The following TMEM132B variants were observed in gnomAD, a reference collection of about 807,000 sequenced individuals.
TMEM132B encodes transmembrane protein 132B.
In TMEM132B, 18 loss-of-function variants were observed where a neutral mutation model predicts 90.8. The ratio of observed to expected loss-of-function variants is 0.20; its 90% CI spans 0.14 to 0.29. The LOEUF (loss-of-function observed/expected upper bound fraction) is 0.29, where lower values mean the gene tolerates loss of function less well. TMEM132B is among the 10% of genes least tolerant of loss of function. TMEM132B has a pLI of 1.00. For missense variants in TMEM132B, 1,096 were observed against 1,326.8 expected, an observed-to-expected ratio of 0.83 and a Z score of 2.70; for synonymous variants, 504 against 523.3, an observed-to-expected ratio of 0.96 and a Z score of 0.50.
chr12:125,533,164 A>G (rs771347393), intron 4 of TMEM132B, among the ~76,000 whole-genome samples: 1 of 152,184 alleles, frequency 6.6e-6, no homozygotes, highest in Non-Finnish European at 1.5e-5. Context: ...ATCCTGTAAA[A>G]AGTGTAATAT....
intron 4 of TMEM132B, among the ~76,000 whole-genome samples, chr12:125,540,619 A>G (rs1410187270): frequency 2.0e-5 from 3 of 152,264 alleles, no homozygotes; most frequent in African/African-American, 7.2e-5. Context: ...TGATACTGTT[A>G]TAGCCACTGT....
In TMEM132B at chr12:125,590,269, C is replaced by T. The variant is rs550615150; in HGVS notation, c.1437+6275C>T. On this transcript the variant is annotated intron_variant, in intron 5 of 8. Coordinates refer to ENST00000682704, the MANE Select transcript of TMEM132B (RefSeq NM_001366854.1). ...CCTAACACAACGTCCACATTCATATCCATGAATGTTAACTGCTACTTGATT... is the reference window on the plus strand; with the variant it reads ...CCTAACACAACGTCCACATTCATATTCATGAATGTTAACTGCTACTTGATT... 3.3e-5 allele frequency among the ~76,000 whole-genome samples: 5 copies of T among 152,306 alleles called. No individual in the cohort carries two copies. The East Asian group carries it at 9.7e-4, about 29-fold the overall frequency.
At chr12:125,290,601 T>C (rs964690316) in intron 1 of TMEM132B, among the ~76,000 whole-genome samples, 1 of 152,244 alleles carries the variant, frequency 6.6e-6, no homozygotes, top group Non-Finnish European at 1.5e-5. Context: ...TCTTGCCACG[T>C]TGGTGGGACT....
intron 1 of TMEM132B, among the ~76,000 whole-genome samples, chr12:125,311,581 A>C (rs1876125438): frequency 6.6e-6 from 1 of 152,078 alleles, no homozygotes; most frequent in African/African-American, 2.4e-5. Flanking sequence ...CCATGATCTC[A>C]TTCCTGGAAT....
chr12:125,284,500 C>G (rs1432103185), intron 1 of TMEM132B, among the ~76,000 whole-genome samples: 1 of 152,182 alleles, frequency 6.6e-6, no homozygotes, highest in Non-Finnish European at 1.5e-5. Flanking sequence ...CTGCTCCCTT[C>G]TTATACCCCC....
At chr12:125,360,149 T>A (rs1453463858) in intron 2 of TMEM132B, among the ~76,000 whole-genome samples, 1 of 152,176 alleles carries the variant, frequency 6.6e-6, no homozygotes, top group East Asian at 1.9e-4. Flanking sequence ...TTTTAACAGA[T>A]AAATAATCCT....
intron 1 of TMEM132B, among the ~76,000 whole-genome samples, chr12:125,346,565 C>G (rs1239057398): frequency 6.6e-6 from 1 of 152,166 alleles, no homozygotes; most frequent in Non-Finnish European, 1.5e-5. Context: ...GGGAAGTAAA[C>G]CAATGACAAA....
rs1178288429 is a variant in TMEM132B, at chr12:125,498,619, CAT to C, written c.1107-20818_1107-20817del. On this transcript the variant is annotated intron_variant, in intron 3 of 8. Coordinates refer to ENST00000682704, the MANE Select transcript of TMEM132B (RefSeq NM_001366854.1). This position sits in a 1 kb window ranked among gnomAD's most constrained non-coding sequence, Gnocchi z 4.5. Reference sequence around the variant, plus strand: ...TCCCCTGGTGGAGGGACTCAGAAAACATAACTCAGGAGACAGGTAAAGAGGAT... The same window carrying C: ...TCCCCTGGTGGAGGGACTCAGAAAACAACTCAGGAGACAGGTAAAGAGGAT... Among the ~76,000 whole-genome samples the C allele has an allele frequency of 1.3e-5, 2 of 152,182 alleles. No individual in the cohort carries two copies. The highest frequency in any genetic ancestry group is 2.9e-5 in the Non-Finnish European group (2 of 68,024).
Position 125,656,670 on chromosome 12 carries a change from A to G in TMEM132B, c.*1960A>G, listed in dbSNP as rs989315176. 6.6e-6 allele frequency: 1 copy of G among 152,224 alleles called. No homozygotes were observed. The highest frequency in any genetic ancestry group is 2.4e-5 in the African/African-American group (1 of 41,452). The allele number at this position is 152,224 out of a possible 1,614,324, so 9.4% of individuals were successfully genotyped here. On this transcript the variant is annotated 3_prime_UTR_variant, in exon 9 of 9. Coordinates refer to ENST00000682704, the MANE Select transcript of TMEM132B (RefSeq NM_001366854.1). Reference sequence around the variant, plus strand: ...AGGAGCTTGCAGAGAGATGGCTGACACTTTATGGGAAGATTCCTCAGTCAG... The same window carrying G: ...AGGAGCTTGCAGAGAGATGGCTGACGCTTTATGGGAAGATTCCTCAGTCAG...
chr12:125,636,423 T>C (rs973823589), intron 5 of TMEM132B, among the ~76,000 whole-genome samples: 3 of 152,216 alleles, frequency 2.0e-5, no homozygotes, highest in African/African-American at 7.2e-5. Context: ...GCTCTCCTAA[T>C]TGTATTCCCT....
chr12:125,558,804 C>T (rs1338037671), intron 4 of TMEM132B, among the ~76,000 whole-genome samples: 1 of 152,182 alleles, frequency 6.6e-6, no homozygotes, highest in Non-Finnish European at 1.5e-5. Flanking sequence ...CCAATCCTTT[C>T]TCCAGCAATT....
chr12:125,457,325 A>G (rs937462252), intron 3 of TMEM132B, among the ~76,000 whole-genome samples: 3 of 152,068 alleles, frequency 2.0e-5, no homozygotes, highest in African/African-American at 7.2e-5. Flanking sequence ...ATGTTTGCCA[A>G]TTTAATTCCA....
At chr12:125,547,061 GA>G (rs1359647927) in intron 4 of TMEM132B, among the ~76,000 whole-genome samples, 1 of 152,160 alleles carries the variant, frequency 6.6e-6, no homozygotes, top group African/African-American at 2.4e-5. Context: ...CAGGACGGGG[GA>G]AACTGCCCCC....
intron 1 of TMEM132B, among the ~76,000 whole-genome samples, chr12:125,317,139 C>T (rs1229535712): frequency 6.6e-6 from 1 of 152,128 alleles, no homozygotes; most frequent in African/African-American, 2.4e-5. Context: ...GAGACTCCCG[C>T]CTGTTGACCT....
intron 4 of TMEM132B, among the ~76,000 whole-genome samples, chr12:125,552,878 G>A (rs909815287): frequency 6.6e-6 from 1 of 152,240 alleles, no homozygotes; most frequent in Non-Finnish European, 1.5e-5. Flanking sequence ...TCAGGAGAGC[G>A]GCAGAGGGCC....
chr12:125,481,647 G>A (rs570599884), intron 3 of TMEM132B, among the ~76,000 whole-genome samples: 2 of 152,260 alleles, frequency 1.3e-5, no homozygotes, highest in South Asian at 4.2e-4. Flanking sequence ...TGGATAGGAA[G>A]AATCAATATC....
intron 1 of TMEM132B, among the ~76,000 whole-genome samples, chr12:125,205,653 T>G (rs528242759): frequency 6.6e-6 from 1 of 152,370 alleles, no homozygotes; most frequent in African/African-American, 2.4e-5. Context: ...CCTCTCTGTC[T>G]GTCTCCATGT....
At chr12:125,274,088 A>G (rs990663158) in intron 1 of TMEM132B, among the ~76,000 whole-genome samples, 1 of 152,058 alleles carries the variant, frequency 6.6e-6, no homozygotes, top group African/African-American at 2.4e-5. Context: ...TCCCTAAATA[A>G]TACATTATTT....
At chr12:125,267,793 G>A (rs971777335) in intron 1 of TMEM132B, among the ~76,000 whole-genome samples, 1 of 152,088 alleles carries the variant, frequency 6.6e-6, no homozygotes, top group East Asian at 1.9e-4. Flanking sequence ...TTGATTTCTC[G>A]AGAGAAGCTA....
Sources: allele counts gnomAD v4.1 joint callset (sites outside exome capture counted in the v4.1 genomes callset), GRCh38; gene constraint gnomAD v4.1.1; non-coding constraint Gnocchi (gnomAD v3.1); transcripts MANE v1.5; gene names NCBI Gene and HGNC (gene_info 2026-07-23, HGNC 2026-07-21).